CENPC: variants seen among roughly 807,000 people sequenced by gnomAD.
CENPC encodes centromere protein C, also known as CENP-C 1.
CENPC carries 63 observed loss-of-function variants against 112.1 expected under a neutral mutation model. That is an observed-to-expected ratio of 0.56 (90% CI 0.46 to 0.69). CENPC has a LOEUF of 0.69. CENPC is among the 30% of genes least tolerant of loss of function. CENPC has a pLI of 0.00. For missense variants in CENPC, 1,000 were observed against 1,103.8 expected, an observed-to-expected ratio of 0.91 and a Z score of 1.33; for synonymous variants, 333 against 367.6, an observed-to-expected ratio of 0.91 and a Z score of 1.08.
At chr4:67,513,021 T>C (rs1367069173) in intron 8 of CENPC, among the ~76,000 whole-genome samples, 1 of 152,174 alleles carries the variant, frequency 6.6e-6, no homozygotes, top group Admixed American at 6.6e-5. Context: ...TCTAATTATG[T>C]TTCTTTTAAA....
Position 67,544,272 on chromosome 4 carries a change from C to T in CENPC, c.19-77G>A, listed in dbSNP as rs970494002. On this transcript the variant is annotated intron_variant, in intron 1 of 18. Coordinates refer to ENST00000273853, the MANE Select transcript of CENPC (RefSeq NM_001812.4). The stretch of plus-strand genomic sequence containing the variant: ...AAATTTATTTTCAAAGTAACTTCAT[C>T]CAGTATGGGCATGCTATACACCAAA... 7.7e-6 allele frequency: 6 copies of T among 780,396 alleles called. No individual in the cohort carries two copies. The African/African-American group carries it at 8.6e-5, about 11-fold the overall frequency. 48.3% of individuals were successfully genotyped at this position (780,396 alleles called of 1,614,324 possible).
At chr4:67,481,123 A>T (rs1189125331) in intron 17 of CENPC, among the ~76,000 whole-genome samples, 1 of 152,196 alleles carries the variant, frequency 6.6e-6, no homozygotes, top group Non-Finnish European at 1.5e-5. Context: ...ACGTACACAA[A>T]TCAATAGCTC....
At chr4:67,509,244 ACACACACACAC>A in intron 9 of CENPC, 139 bp from the exon 10 acceptor site, 3 of 563,296 alleles carry the variant, frequency 5.3e-6, no homozygotes, top group Admixed American at 3.1e-5. Flanking sequence ...ACACACACAC[ACACACACACAC>A]ATCTCAGGCT....
chr4:67,514,633 A>G lies in CENPC; in HGVS notation c.885T>C (p.Asp295=), dbSNP rs1337329091. 1.2e-6 allele frequency: 2 copies of G among 1,608,048 alleles called. No homozygotes were observed. Among genetic ancestry groups the G allele is most frequent in the Non-Finnish European group, 1.7e-6 (2 of 1,177,348 alleles). ...TAAATTCATCCTCTATCAACTTCGT[A>G]TCATCGGGAGGACACGAATGAGGTG... ...TAPPHSCPPD[D]TKLIEDEFII... is the part of the protein sequence containing the mutation. Residue 295 remains aspartate, a synonymous_variant, in exon 8 of 19, where the codon GAT becomes GAC. Transcript: ENST00000273853.
intron 18 of CENPC, among the ~76,000 whole-genome samples, chr4:67,473,349 G>A (rs955284428): frequency 1.3e-5 from 2 of 152,194 alleles, no homozygotes; most frequent in African/African-American, 4.8e-5. Context: ...TATTAGAATT[G>A]AGTACTATCA....
In CENPC at chr4:67,544,245, T is replaced by TAAAATTTATTTTC. The variant is rs760964462; in HGVS notation, c.19-63_19-51dup. The TAAAATTTATTTTC allele has an allele frequency of 3.6e-5, 37 of 1,014,774 alleles. No homozygotes were observed. The South Asian group carries it at 4.7e-4, about 13-fold the overall frequency. 62.9% of individuals were successfully genotyped at this position (1,014,774 alleles called of 1,614,324 possible). ...TTGGTTTCTTTAAGATAGAGTCGAGTAAAATTTATTTTCAAAGTAACTTCA... is the reference window on the plus strand; with the variant it reads ...TTGGTTTCTTTAAGATAGAGTCGAGTAAAATTTATTTTCAAAATTTATTTTCAAAGTAACTTCA... On this transcript the variant is annotated intron_variant, in intron 1 of 18. Transcript: ENST00000273853.
intron 12 of CENPC, among the ~76,000 whole-genome samples, chr4:67,499,298 A>T (rs1438004364): frequency 6.6e-6 from 1 of 152,194 alleles, no homozygotes; most frequent in Non-Finnish European, 1.5e-5. Flanking sequence ...CTCAGCTATG[A>T]ACGTCCTAGA....
intron 14 of CENPC, among the ~76,000 whole-genome samples, 167 bp from the exon 15 acceptor site, chr4:67,493,164 C>G (rs1315374382): frequency 2.0e-5 from 3 of 151,820 alleles, no homozygotes; most frequent in Non-Finnish European, 4.4e-5. Context: ...ATATCTCTAC[C>G]ACCCTAAATC....
At chr4:67,494,494 T>C (rs941233722) in intron 13 of CENPC, among the ~76,000 whole-genome samples, 1 of 152,132 alleles carries the variant, frequency 6.6e-6, no homozygotes, top group African/African-American at 2.4e-5. Flanking sequence ...TATTGAGAGG[T>C]ATAGCAGTCT....
intron 16 of CENPC, among the ~76,000 whole-genome samples, chr4:67,490,837 AATATATATATATATATATATATATAT>A (rs57498869): frequency 1.8e-5 from 1 of 57,112 alleles, no homozygotes; most frequent in African/African-American, 5.9e-5. Flanking sequence ...TATAGAAATA[AATATATATATATATATATATATATAT>A]ATATATATAT....
At chr4:67,484,868 C>T (rs539543560) in intron 17 of CENPC, among the ~76,000 whole-genome samples, 7 of 152,230 alleles carry the variant, frequency 4.6e-5, no homozygotes, top group African/African-American at 1.2e-4. Flanking sequence ...CCTAGGTGGG[C>T]GGATCACGAG....
intron 12 of CENPC, among the ~76,000 whole-genome samples, chr4:67,495,813 GA>G (rs1358289376): frequency 1.3e-5 from 2 of 152,188 alleles, no homozygotes. Context: ...TAAGTGTACT[GA>G]ATTTAGCAGT....
intron 17 of CENPC, among the ~76,000 whole-genome samples, chr4:67,489,193 TAC>T (rs1395437843): frequency 3.0e-5 from 2 of 66,916 alleles, no homozygotes; most frequent in Non-Finnish European, 8.1e-5. Flanking sequence ...ATTCCTGTTA[TAC>T]ATACACACAC....
At chr4:67,511,976 G>C (rs1246470486) in intron 9 of CENPC, 1 of 155,226 alleles carries the variant, frequency 6.4e-6, no homozygotes, top group Non-Finnish European at 1.4e-5. Context: ...CCAAATCTGA[G>C]GGTAGTCTTG....
chr4:67,489,821 A>T (rs1379338339), intron 17 of CENPC, 146 bp downstream of exon 17: 1 of 630,596 alleles, frequency 1.6e-6, no homozygotes, highest in Non-Finnish European at 2.6e-6. Flanking sequence ...TTGACTCTAA[A>T]CAGATTTAAC....
intron 5 of CENPC, among the ~76,000 whole-genome samples, chr4:67,527,472 C>A (rs2646294): frequency 6.8e-6 from 1 of 146,262 alleles, no homozygotes; most frequent in Admixed American, 7.0e-5. Context: ...GCAGGAACAA[C>A]GCTAGAATTT....
chr4:67,485,110 C>A (rs12650790), intron 17 of CENPC, among the ~76,000 whole-genome samples: 25,567 of 151,972 alleles, frequency 0.17, 2,961 homozygotes, highest in East Asian at 0.57. Context: ...TTATCACCTA[C>A]ACTAAAAAAA....
In CENPC at chr4:67,519,421, C is replaced by T; in HGVS notation, c.413G>A (p.Ser138Asn). 1 of 1,611,344 alleles carries T rather than the reference C, an allele frequency of 6.2e-7. No individual in the cohort carries two copies. Among genetic ancestry groups the T allele is most frequent in the Non-Finnish European group, 8.5e-7 (1 of 1,178,348 alleles). The change falls in exon 6 of 19, where the codon AGT becomes AAT. Residue 138 changes from serine (S) to asparagine (N), a missense_variant. By Grantham distance (46) the Ser-to-Asn change is conservative. Coordinates refer to ENST00000273853, the MANE Select transcript of CENPC (RefSeq NM_001812.4). ...KNTPDSKKIS[S>N]RNINDHHSEA... ...ACTGTGATGATCATTTATGTTTCTA[C>T]TTGATATTTTTTTCGAGTCAGGTGT...
intron 18 of CENPC, chr4:67,474,655 G>GCA: frequency 4.9e-6 from 2 of 409,080 alleles, no homozygotes; most frequent in Non-Finnish European, 8.8e-6. Flanking sequence ...CTGAGATCGT[G>GCA]CCACTGCACT....
Sources: allele counts gnomAD v4.1 joint callset (sites outside exome capture counted in the v4.1 genomes callset), GRCh38; gene constraint gnomAD v4.1.1; transcripts MANE v1.5; gene names NCBI Gene and HGNC (gene_info 2026-07-23, HGNC 2026-07-21).